Variants in ARHGAP11B observed in about 807,000 individuals in gnomAD.
ARHGAP11B encodes the protein Rho GTPase activating protein 11B.
A neutral mutation model predicts 27.6 loss-of-function variants in ARHGAP11B; 14 were observed. The ratio of observed to expected loss-of-function variants is 0.51; its 90% CI spans 0.34 to 0.79. The LOEUF (loss-of-function observed/expected upper bound fraction) is 0.79, where lower values mean the gene tolerates loss of function less well. Ranked by LOEUF, ARHGAP11B falls within the 30% of genes least tolerant of loss-of-function variation. ARHGAP11B has a pLI of 0.02. For synonymous variants in ARHGAP11B, 82 were observed against 114.1 expected (o/e 0.72, Z 1.80); for missense variants, 245 against 320.1 (o/e 0.77, Z 1.79).
rs562228613 is a variant in ARHGAP11B at position 30,646,471 on chromosome 15, T to A, written c.*324+176T>A. Among the ~76,000 whole-genome samples, 11 of 152,084 alleles carry A rather than the reference T, an allele frequency of 7.2e-5. 1 individual carries two copies. In the South Asian group the frequency reaches 2.3e-3, roughly 32 times the overall value. Reference sequence around the variant, plus strand: ...AGGTCTTAAAGTAGATGAGAGTAGATGGTGATTTTGAACTTTCTGTTGTTG... The same window carrying A: ...AGGTCTTAAAGTAGATGAGAGTAGAAGGTGATTTTGAACTTTCTGTTGTTG... On this transcript the variant is annotated intron_variant, in intron 9 of 10. Coordinates refer to ENST00000428041, the Ensembl canonical transcript of ARHGAP11B.
At chr15:30,636,823 A>G (rs964895264) in intron 6 of ARHGAP11B, among the ~76,000 whole-genome samples, 3 of 152,040 alleles carry the variant, frequency 2.0e-5, no homozygotes, top group South Asian at 4.1e-4. Context: ...ATCCCTGCCT[A>G]TGTCATCCCA....
chr15:30,642,798 C>A lies in ARHGAP11B; in HGVS notation c.*79-1841C>A, dbSNP rs147743597. On this transcript the variant is annotated intron_variant, in intron 7 of 10. Transcript: ENST00000428041. ...GAAAAGCTCTAATATAAAAGTAATG[C>A]TTAAGCTGACCTTTAATTGGCAAGT... Among the ~76,000 whole-genome samples, 250 of 152,122 alleles carry A rather than the reference C, an allele frequency of 1.6e-3. 6 individuals are homozygous for A. The East Asian group carries it at 0.043, about 26-fold the overall frequency.
exon 8 of ARHGAP11B, chr15:30,644,670 A>G (rs2060335716): frequency 3.8e-6 from 6 of 1,590,364 alleles, no homozygotes; most frequent in Non-Finnish European, 5.2e-6. Context: ...GTTAAATTTG[A>G]TCCAAAAATA....
At chr15:30,633,338 C>A in intron 2 of ARHGAP11B, 152 bp from the exon 3 acceptor site, 2 of 577,368 alleles carry the variant, frequency 3.5e-6, no homozygotes, top group South Asian at 4.7e-5. Flanking sequence ...AGCAAGTAGA[C>A]AACTAAAAGT....
At chr15:30,631,961 ATT>A (rs2060248640) in intron 2 of ARHGAP11B, among the ~76,000 whole-genome samples, 2 of 147,058 alleles carry the variant, frequency 1.4e-5, no homozygotes, top group Admixed American at 1.4e-4. Flanking sequence ...TAATTTTTGT[ATT>A]TTAGTAGAGA....
At chr15:30,641,131 A>C (rs2060312569) in intron 7 of ARHGAP11B, among the ~76,000 whole-genome samples, 1 of 152,026 alleles carries the variant, frequency 6.6e-6, no homozygotes, top group African/African-American at 2.4e-5. Flanking sequence ...TTAATAAAAA[A>C]ATTTAAAAGT....
chr15:30,637,881 G>C (rs1011127268), intron 6 of ARHGAP11B, among the ~76,000 whole-genome samples: 14 of 141,032 alleles, frequency 9.9e-5, no homozygotes, highest in South Asian at 4.4e-4. Context: ...GTATAGTGAT[G>C]CTATCTTGGT....
At position 30,641,292 on chromosome 15, in the gene ARHGAP11B, G is replaced by C. The variant is rs1268905333; in HGVS notation, c.*78+2472G>C. Among the ~76,000 whole-genome samples the C allele has an allele frequency of 1.3e-5, 2 of 150,894 alleles. 1 individual carries two copies. On this transcript the variant is annotated intron_variant, in intron 7 of 10. Coordinates refer to ENST00000428041, the Ensembl canonical transcript of ARHGAP11B. ...TATGATGCTTTTAAAAATATATAAAGACAACATTAGTCTGTAGTCCATAGA... is the reference window on the plus strand; with the variant it reads ...TATGATGCTTTTAAAAATATATAAACACAACATTAGTCTGTAGTCCATAGA...
At chr15:30,635,333 A>G (rs2060272754) in intron 5 of ARHGAP11B, 145 bp downstream of exon 5, 1 of 1,446,240 alleles carries the variant, frequency 6.9e-7, no homozygotes, top group Admixed American at 2.0e-5. Context: ...ACTGTTAGAA[A>G]GTTGGTATAT....
chr15:30,626,881 A>G (rs373698991), exon 1 of ARHGAP11B: 60 of 1,613,460 alleles, frequency 3.7e-5, no homozygotes, highest in Non-Finnish European at 5.0e-5. Context: ...CTTCTATGGT[A>G]TTAAGGTGAA....
chr15:30,638,635 T>A (rs546333660), intron 6 of ARHGAP11B, 111 bp from the exon 7 acceptor site: 2 of 561,244 alleles, frequency 3.6e-6, no homozygotes, highest in South Asian at 2.5e-5. Context: ...ACTTAAAATT[T>A]ATAAGCCGAT....
chr15:30,639,971 A>AGAGTGTGTGT (rs371550239), intron 7 of ARHGAP11B, among the ~76,000 whole-genome samples: 1 of 143,192 alleles, frequency 7.0e-6, no homozygotes, highest in African/African-American at 2.6e-5. Flanking sequence ...TTCAATATAG[A>AGAGTGTGTGT]GTGTGTGTGT....
chr15:30,628,227 T>C (rs980237361), intron 1 of ARHGAP11B, among the ~76,000 whole-genome samples: 4 of 151,774 alleles, frequency 2.6e-5, no homozygotes, highest in South Asian at 2.1e-4. Context: ...ACTACAGGCG[T>C]CCGCCACCAC....
intron 5 of ARHGAP11B, 72 bp downstream of exon 5, chr15:30,635,260 T>C: frequency 6.4e-7 from 1 of 1,567,732 alleles, no homozygotes; most frequent in Non-Finnish European, 8.7e-7. Context: ...TGTAGTTGCA[T>C]TATTAACAGA....
chr15:30,640,708 T>G (rs2060310078), intron 7 of ARHGAP11B, among the ~76,000 whole-genome samples: 1 of 151,892 alleles, frequency 6.6e-6, no homozygotes, highest in Admixed American at 6.6e-5. Flanking sequence ...TTTTCTGTTG[T>G]CCAAAAGGGT....
rs529439554 is a variant in ARHGAP11B at position 30,640,843 on chromosome 15, G to T, written c.*78+2023G>T. ...GATAGTAACTCTGAAGCTTATGTCT[G>T]TAGCTTTTGCAGTGTTCACAGGTTG... On this transcript the variant is annotated intron_variant, in intron 7 of 10. Coordinates refer to ENST00000428041, the Ensembl canonical transcript of ARHGAP11B. Among the ~76,000 whole-genome samples, 7 of 151,682 alleles carry T rather than the reference G, an allele frequency of 4.6e-5. No homozygotes were observed. The East Asian group carries it at 1.4e-3, about 30-fold the overall frequency.
chr15:30,649,197 T>G lies in ARHGAP11B; in HGVS notation c.*1265T>G, dbSNP rs2060371090. The G allele has an allele frequency of 3.9e-5, 6 of 152,078 alleles. No homozygotes were observed. In the South Asian group the frequency reaches 1.2e-3, roughly 31 times the overall value. 9.4% of individuals were successfully genotyped at this position (152,078 alleles called of 1,614,324 possible). A position where few individuals can be genotyped will look rare whatever the true frequency, so the allele number is the denominator to read the frequency against. The stretch of plus-strand genomic sequence containing the variant: ...ATTGAAGTTTGATTGTAAAACTGTT[T>G]TAATTTGAATAAAATGATACTGAGG... On this transcript the variant is annotated 3_prime_UTR_variant, in exon 11 of 11. Coordinates refer to ENST00000428041, the Ensembl canonical transcript of ARHGAP11B.
intron 1 of ARHGAP11B, 125 bp from the exon 2 acceptor site, chr15:30,630,578 A>G: frequency 1.3e-6 from 2 of 1,532,176 alleles, no homozygotes; most frequent in Non-Finnish European, 1.8e-6. Flanking sequence ...TTTTGTCTTG[A>G]TTGATAGTTT....
intron 9 of ARHGAP11B, among the ~76,000 whole-genome samples, chr15:30,647,219 G>T (rs762906682): frequency 1.3e-5 from 2 of 151,734 alleles, no homozygotes; most frequent in Non-Finnish European, 2.9e-5. Flanking sequence ...ATTTGTCAGC[G>T]TTTTTTTGTT....
Sources: allele counts gnomAD v4.1 joint callset (sites outside exome capture counted in the v4.1 genomes callset), GRCh38; gene constraint gnomAD v4.1.1; transcripts MANE v1.5; gene names NCBI Gene and HGNC (gene_info 2026-07-23, HGNC 2026-07-21).